ULK2: variants seen among roughly 807,000 people sequenced by gnomAD.
The protein encoded by ULK2 is serine/threonine-protein kinase ULK2.
In ULK2, 76 loss-of-function variants were observed where a neutral mutation model predicts 127.5. The ratio of observed to expected loss-of-function variants is 0.60; its 90% CI spans 0.50 to 0.72. The LOEUF is 0.72. Ranked by LOEUF, ULK2 falls within the 30% of genes least tolerant of loss-of-function variation. The probability of loss-of-function intolerance (pLI) is 0.00; values close to 1 mark genes in which losing one functional copy is unlikely to be tolerated. For missense variants in ULK2, 1,144 were observed against 1,295.9 expected (o/e 0.88, Z 1.80); for synonymous variants, 452 against 461.9 (o/e 0.98, Z 0.28).
intron 10 of ULK2, among the ~76,000 whole-genome samples, chr17:19,832,482 T>G (rs1026959252): frequency 6.6e-6 from 1 of 152,096 alleles, no homozygotes; most frequent in African/African-American, 2.4e-5. Flanking sequence ...CAGGCTGGTC[T>G]CAAACACCTG....
At chr17:19,862,107 T>G (rs953518316) in intron 3 of ULK2, among the ~76,000 whole-genome samples, 1 of 150,726 alleles carries the variant, frequency 6.6e-6, no homozygotes, top group Non-Finnish European at 1.5e-5. Context: ...CTTTTTTTTT[T>G]CCCCCCCGAG....
chr17:19,780,488 T>A lies in ULK2; in HGVS notation c.2900A>T (p.Asn967Ile). The change falls in exon 25 of 27, where the codon AAT becomes ATT. Residue 967 changes from asparagine (N) to isoleucine (I), a missense_variant. Transcript: ENST00000395544. Reference sequence around the variant, plus strand: ...AAGGGTTACCATTTCTACAGCACAATTATAGATGAGTTTCTCTGCAGTCAC... The same window carrying A: ...AAGGGTTACCATTTCTACAGCACAAATATAGATGAGTTTCTCTGCAGTCAC... ...NSVTAEKLIYNCAVEMVQSAA... is the reference protein window; with the variant it reads ...NSVTAEKLIYICAVEMVQSAA... 1 of 1,612,510 alleles carries A rather than the reference T, an allele frequency of 6.2e-7. No individual in the cohort carries two copies. Among genetic ancestry groups the A allele is most frequent in the Non-Finnish European group, 8.5e-7 (1 of 1,179,522 alleles).
At chr17:19,848,955 C>T (rs2041956067) in intron 5 of ULK2, among the ~76,000 whole-genome samples, 1 of 151,918 alleles carries the variant, frequency 6.6e-6, no homozygotes, top group African/African-American at 2.4e-5. Flanking sequence ...ATTTTTGTTG[C>T]CTTTTTTTAA....
Position 19,824,118 on chromosome 17 carries a change from G to C in ULK2, c.924+976C>G, listed in dbSNP as rs537982430. ...CCCCATCCACTTAAACCTCTGAGTT[G>C]TCTCACTTTTATGGCTCCCCTATCT... is the stretch of plus-strand genomic sequence containing the variant. On this transcript the variant is annotated intron_variant, in intron 12 of 26. Coordinates refer to ENST00000395544, the MANE Select transcript of ULK2 (RefSeq NM_014683.4). 1.4e-3 allele frequency among the ~76,000 whole-genome samples: 206 copies of C among 152,278 alleles called. 1 individual carries two copies. Among genetic ancestry groups the C allele is most frequent in the Middle Eastern group, 0.01 (3 of 294 alleles).
At chr17:19,799,983 C>A (rs1322257212) in intron 16 of ULK2, among the ~76,000 whole-genome samples, 1 of 152,206 alleles carries the variant, frequency 6.6e-6, no homozygotes, top group Non-Finnish European at 1.5e-5. Context: ...CTGTTCCCAG[C>A]CAATGACTGC....
chr17:19,796,334 G>T, intron 18 of ULK2, 52 bp from the exon 19 acceptor site: 1 of 1,482,824 alleles, frequency 6.7e-7, no homozygotes, highest in South Asian at 1.4e-5. Context: ...TACGATGCAT[G>T]AACTATTCAG....
chr17:19,787,530 T>C lies in ULK2; in HGVS notation c.2102-1444A>G, dbSNP rs1480834205. 4.6e-5 allele frequency among the ~76,000 whole-genome samples: 7 copies of C among 152,234 alleles called. No homozygotes were observed. In the East Asian group the frequency reaches 9.6e-4, roughly 21 times the overall value. On this transcript the variant is annotated intron_variant, in intron 20 of 26. Coordinates refer to ENST00000395544, the MANE Select transcript of ULK2 (RefSeq NM_014683.4). ...ATTAGAGTAAGGAAGTGACACCAGA[T>C]GGTAACTCAAATCCACAAAAACACA...
chr17:19,811,934 T>A (rs116266352), intron 13 of ULK2, among the ~76,000 whole-genome samples: 4 of 152,120 alleles, frequency 2.6e-5, no homozygotes, highest in Non-Finnish European at 5.9e-5. Context: ...TTTGAAACTA[T>A]AGAGGCAACG....
intron 23 of ULK2, 117 bp from the exon 24 acceptor site, chr17:19,781,221 ATTTCT>A (rs938765864): frequency 7.8e-6 from 4 of 514,872 alleles, no homozygotes; most frequent in African/African-American, 4.3e-5. Flanking sequence ...ATCCTCTTTG[ATTTCT>A]TTTCTTCTTT....
chr17:19,790,783 G>A (rs1429707987), intron 20 of ULK2, among the ~76,000 whole-genome samples: 1 of 152,134 alleles, frequency 6.6e-6, no homozygotes, highest in African/African-American at 2.4e-5. Flanking sequence ...CACCTATAGA[G>A]ACACATGTAG....
At position 19,797,635 on chromosome 17, in the gene ULK2, C is replaced by T; in HGVS notation, c.1570G>A (p.Ala524Thr). The T allele has an allele frequency of 6.2e-7, 1 of 1,606,858 alleles. No homozygotes were observed. The highest frequency in any genetic ancestry group is 1.1e-5 in the South Asian group (1 of 89,924). Residue 524 changes from alanine (A) to threonine (T), a missense_variant, in exon 18 of 27, where the codon GCT becomes ACT. This residue lies in a region of ULK2 where 913 missense variants were observed against 970.5 expected (regional missense o/e 0.94). Transcript: ENST00000395544. ...AQSPQSLLSGARLQSAPTLTD... is the reference protein window; with the variant it reads ...AQSPQSLLSGTRLQSAPTLTD... The stretch of plus-strand genomic sequence containing the variant: ...AGGGTGGGGGCGCTCTGCAGTCTAG[C>T]ACCCGATAAGAGAGACTGTGGGGAC...
At chr17:19,814,621 T>C (rs2040941500) in intron 13 of ULK2, among the ~76,000 whole-genome samples, 1 of 151,562 alleles carries the variant, frequency 6.6e-6, no homozygotes. Context: ...CATGATGCCC[T>C]GGCTGGTCTT....
intron 3 of ULK2, among the ~76,000 whole-genome samples, chr17:19,851,285 C>T (rs1254591486): frequency 2.1e-5 from 3 of 144,714 alleles, no homozygotes; most frequent in Non-Finnish European, 3.0e-5. Context: ...CAAGATCGTA[C>T]CACTGCACTC....
rs558772498 is a variant in ULK2 at position 19,854,917 on chromosome 17, G to A, written c.226-5143C>T. On this transcript the variant is annotated intron_variant, in intron 3 of 26. Coordinates refer to ENST00000395544, the MANE Select transcript of ULK2 (RefSeq NM_014683.4). The stretch of plus-strand genomic sequence containing the variant: ...AGTTCAAGACCAGCCTGGCCAAGAT[G>A]GTGAAACCCCTTCTCTACTAAAAAT... Among the ~76,000 whole-genome samples, 4 of 148,034 alleles carry A rather than the reference G, an allele frequency of 2.7e-5. No homozygotes were observed. In the South Asian group the frequency reaches 8.8e-4, roughly 32 times the overall value.
In ULK2 at chr17:19,774,608, T is replaced by A. The variant is rs1451831228; in HGVS notation, c.*1741A>T. ...GTTGTGGAGGTAAAACAGTCTATGT[T>A]CCTGGAAGCCTGCATGACAGTAGCC... On this transcript the variant is annotated 3_prime_UTR_variant, in exon 27 of 27. Transcript: ENST00000395544. The A allele has an allele frequency of 1.3e-5, 2 of 152,208 alleles. No homozygotes were observed. The highest frequency in any genetic ancestry group is 2.9e-5 in the Non-Finnish European group (2 of 68,046). 9.4% of individuals were successfully genotyped at this position (152,208 alleles called of 1,614,324 possible).
rs145534168 is a variant in ULK2, at chr17:19,796,262, G to A, written c.1830C>T (p.Ile610=). The part of the protein sequence containing the change: ...SPTKTTAPFK[I]PKTQASSNLL... ...GGTTGGAAGATGCTTGAGTTTTAGG[G>A]ATTTTGAAAGGAGCTGTGGTCTAAA... is the stretch of plus-strand genomic sequence containing the variant. The change falls in exon 19 of 27, where the codon ATC becomes ATT. Residue 610 remains isoleucine (I), a synonymous_variant. Coordinates refer to ENST00000395544, the MANE Select transcript of ULK2 (RefSeq NM_014683.4). 74 of 1,608,772 alleles carry A rather than the reference G, an allele frequency of 4.6e-5. No individual in the cohort carries two copies. The Middle Eastern group carries it at 4.9e-4, about 11-fold the overall frequency.
intron 12 of ULK2, among the ~76,000 whole-genome samples, chr17:19,819,814 T>C (rs1340217370): frequency 2.6e-5 from 4 of 152,092 alleles, no homozygotes; most frequent in African/African-American, 9.7e-5. Context: ...TCTCCTTCCT[T>C]ACTGCCGCCT....
chr17:19,782,792 T>C (rs1156520232), intron 22 of ULK2, among the ~76,000 whole-genome samples: 1 of 152,098 alleles, frequency 6.6e-6, no homozygotes, highest in East Asian at 1.9e-4. Context: ...GGCATGTGCC[T>C]GTAGTCCCAG....
intron 17 of ULK2, 50 bp from the exon 18 acceptor site, chr17:19,797,732 C>T: frequency 7.3e-7 from 1 of 1,370,174 alleles, no homozygotes; most frequent in Non-Finnish European, 9.5e-7. Context: ...AAGTGCAGTG[C>T]AAAAATGTAA....
Sources: gnomAD v4.1 joint callset for allele counts (sites outside exome capture counted in the v4.1 genomes callset) on GRCh38, gnomAD v4.1.1 for gene constraint, gnomAD v4.1.1 regional missense constraint, MANE v1.5 for transcripts, NCBI Gene and HGNC (gene_info 2026-07-23, HGNC 2026-07-21) for gene names.